ZFP91: variants seen among roughly 807,000 people sequenced by gnomAD.
ZFP91 encodes E3 ubiquitin-protein ligase ZFP91.
Under a neutral mutation model 63.5 loss-of-function variants are expected in ZFP91, and 7 were observed. That is an observed-to-expected ratio of 0.11 (90% CI 0.06 to 0.21). The LOEUF (loss-of-function observed/expected upper bound fraction) is 0.21. Ranked by LOEUF, ZFP91 falls within the 10% of genes least tolerant of loss-of-function variation. The pLI is 1.00. For missense variants in ZFP91, 628 were observed against 736.6 expected, an observed-to-expected ratio of 0.85 and a Z score of 1.71; for synonymous variants, 330 against 272.1, an observed-to-expected ratio of 1.21 and a Z score of -2.10.
At chr11:58,591,764 G>T (rs1441992503) in intron 2 of ZFP91, among the ~76,000 whole-genome samples, 1 of 152,132 alleles carries the variant, frequency 6.6e-6, no homozygotes, top group Non-Finnish European at 1.5e-5. Context: ...AGACAAATTT[G>T]TATCTAGAGT....
intron 5 of ZFP91, 87 bp from the exon 6 acceptor site, chr11:58,611,517 C>A: frequency 6.8e-7 from 1 of 1,463,602 alleles, no homozygotes; most frequent in South Asian, 1.4e-5. Context: ...TATAACAAAT[C>A]AGTGATAACT....
intron 2 of ZFP91, among the ~76,000 whole-genome samples, chr11:58,587,302 G>T (rs751556755): frequency 7.2e-5 from 11 of 152,094 alleles, no homozygotes; most frequent in Non-Finnish European, 1.0e-4. Context: ...GCTATTCTAG[G>T]CACTGGATTC....
chr11:58,611,977 A>G (rs1292127207), intron 6 of ZFP91: 2 of 537,546 alleles, frequency 3.7e-6, no homozygotes, highest in Non-Finnish European at 6.5e-6. Flanking sequence ...TAGTGTTTTT[A>G]GATGATACAT....
chr11:58,602,919 C>T (rs142286374), intron 2 of ZFP91, among the ~76,000 whole-genome samples: 21 of 152,204 alleles, frequency 1.4e-4, no homozygotes, highest in African/African-American at 2.4e-4. Flanking sequence ...GCGATGATTG[C>T]GGTGAGCCAA....
intron 2 of ZFP91, among the ~76,000 whole-genome samples, chr11:58,600,522 G>C (rs996937806): frequency 2.6e-5 from 4 of 151,958 alleles, no homozygotes; most frequent in Non-Finnish European, 5.9e-5. Context: ...CTGGCCCTTC[G>C]AATTTGTATA....
Position 58,579,926 on chromosome 11 carries a change from T to G in ZFP91, c.341+304T>G, listed in dbSNP as rs11229533. On this transcript the variant is annotated intron_variant, in intron 1 of 10. Coordinates refer to ENST00000316059, the MANE Select transcript of ZFP91 (RefSeq NM_053023.5). ...ACACCCGCAGGCTCATCCCTCTTTC[T>G]GGCATCCGCACCCCCTTTGTCACCC... 1.2e-3 allele frequency among the ~76,000 whole-genome samples: 184 copies of G among 152,268 alleles called. 6 individuals are homozygous for G. In the East Asian group the frequency reaches 0.032, roughly 27 times the overall value.
intron 2 of ZFP91, among the ~76,000 whole-genome samples, chr11:58,606,872 A>T (rs1855577893): frequency 6.6e-6 from 1 of 151,916 alleles, no homozygotes; most frequent in East Asian, 1.9e-4. Context: ...GTTGATTCTG[A>T]CAGTGTTTGT....
chr11:58,610,803 T>C, intron 4 of ZFP91, 147 bp from the exon 5 acceptor site: 1 of 606,046 alleles, frequency 1.7e-6, no homozygotes, highest in Non-Finnish European at 2.7e-6. Context: ...ATAAAACAGC[T>C]AGATTTCAGT....
intron 1 of ZFP91, among the ~76,000 whole-genome samples, chr11:58,580,243 T>G (rs1175605277): frequency 1.3e-5 from 2 of 152,242 alleles, no homozygotes; most frequent in Admixed American, 1.3e-4. Context: ...TCTTTAATGT[T>G]TGTTTTTACT....
intron 1 of ZFP91, among the ~76,000 whole-genome samples, chr11:58,580,375 G>T (rs191889878): frequency 6.6e-6 from 1 of 152,202 alleles, no homozygotes; most frequent in Non-Finnish European, 1.5e-5. Context: ...AACATGAACA[G>T]GTGGCCAGGA....
chr11:58,589,317 GC>G (rs1855265231), intron 2 of ZFP91, among the ~76,000 whole-genome samples: 1 of 152,104 alleles, frequency 6.6e-6, no homozygotes, highest in Non-Finnish European at 1.5e-5. Context: ...TCTTGCCTCG[GC>G]CTCCCAAAGT....
chr11:58,611,971 GT>G, intron 6 of ZFP91: 1 of 539,256 alleles, frequency 1.9e-6, no homozygotes. Flanking sequence ...TAATCTTAGT[GT>G]TTTTAGATGA....
At chr11:58,611,782 A>G (rs1565024415) in intron 6 of ZFP91, 44 bp downstream of exon 6, 1 of 1,568,424 alleles carries the variant, frequency 6.4e-7, no homozygotes, top group Non-Finnish European at 8.6e-7. Flanking sequence ...CAGATTTTGA[A>G]CGACTAGTGG....
At chr11:58,594,785 C>G (rs1264906188) in intron 2 of ZFP91, among the ~76,000 whole-genome samples, 2 of 152,158 alleles carry the variant, frequency 1.3e-5, no homozygotes, top group South Asian at 2.1e-4. Context: ...TGTAAACATT[C>G]TAAATTTCTT....
chr11:58,597,839 A>G (rs763289338), intron 2 of ZFP91, among the ~76,000 whole-genome samples: 2 of 152,158 alleles, frequency 1.3e-5, no homozygotes, highest in Non-Finnish European at 2.9e-5. Context: ...TTATTAAGCA[A>G]TTCAACTTTT....
rs1461716141 is a variant in ZFP91, at chr11:58,621,011, AAAG to A, written c.*3311_*3313del. On this transcript the variant is annotated 3_prime_UTR_variant, in exon 11 of 11. Transcript: ENST00000316059. ...TAAGGCATATTAAAAATAAATATGT[AAAG>A]AAGAAAAATAAAAGTTGTCTTCATG... The A allele has an allele frequency of 1.3e-5, 2 of 152,664 alleles. No individual in the cohort carries two copies. The highest frequency in any genetic ancestry group is 2.9e-5 in the Non-Finnish European group (2 of 68,044). 9.5% of individuals were successfully genotyped at this position (152,664 alleles called of 1,614,324 possible).
intron 6 of ZFP91, chr11:58,611,958 T>C: frequency 1.8e-6 from 1 of 558,678 alleles, no homozygotes; most frequent in South Asian, 3.1e-5. Context: ...AGAAGGTATT[T>C]TTTAATCTTA....
At chr11:58,615,875 T>C (rs1159790541) in intron 9 of ZFP91, among the ~76,000 whole-genome samples, 3 of 152,262 alleles carry the variant, frequency 2.0e-5, no homozygotes, top group Non-Finnish European at 4.4e-5. Context: ...TTCTCATTAA[T>C]TCTGGTAATT....
At chr11:58,586,010 T>C (rs1205956784) in intron 2 of ZFP91, among the ~76,000 whole-genome samples, 1 of 152,132 alleles carries the variant, frequency 6.6e-6, no homozygotes, top group Non-Finnish European at 1.5e-5. Flanking sequence ...TTTTTTTATT[T>C]AGAAACCTTG....
Sources: gnomAD v4.1 joint callset for allele counts (sites outside exome capture counted in the v4.1 genomes callset) on GRCh38, gnomAD v4.1.1 for gene constraint, MANE v1.5 for transcripts, NCBI Gene and HGNC (gene_info 2026-07-23, HGNC 2026-07-21) for gene names.